The following MTUS2 variants were observed in gnomAD, a reference collection of about 807,000 sequenced individuals.
MTUS2 encodes microtubule-associated tumor suppressor candidate 2.
MTUS2 carries 40 observed loss-of-function variants against 114.1 expected under a neutral mutation model. The ratio of observed to expected loss-of-function variants is 0.35; its 90% CI spans 0.27 to 0.46. The LOEUF (loss-of-function observed/expected upper bound fraction) is 0.46. MTUS2 is among the 20% of genes least tolerant of loss of function. The pLI, the probability that MTUS2 is intolerant of heterozygous loss-of-function variation, is 1.00. For missense variants in MTUS2, 1,679 were observed against 1,705.4 expected, an observed-to-expected ratio of 0.98 and a Z score of 0.27; for synonymous variants, 688 against 672.0, an observed-to-expected ratio of 1.02 and a Z score of -0.37.
At chr13:29,390,003 GTATA>G (rs1240307301) in intron 8 of MTUS2, among the ~76,000 whole-genome samples, 1 of 43,344 alleles carries the variant, frequency 2.3e-5, no homozygotes, top group South Asian at 9.7e-4. Flanking sequence ...GTATGTATGT[GTATA>G]TATACACATA....
intron 4 of MTUS2, among the ~76,000 whole-genome samples, chr13:29,043,736 GT>G (rs1887482232): frequency 6.6e-6 from 1 of 150,696 alleles, no homozygotes; most frequent in Admixed American, 6.6e-5. Flanking sequence ...TTGTTTTAAA[GT>G]CTGTTTCTCT....
At chr13:29,479,031 G>T (rs959886417) in intron 9 of MTUS2, among the ~76,000 whole-genome samples, 2 of 152,160 alleles carry the variant, frequency 1.3e-5, no homozygotes, top group Non-Finnish European at 2.9e-5. Context: ...TATAGCGTGG[G>T]ACTTCTGATT....
chr13:28,895,584 T>C (rs1156501178), intron 2 of MTUS2, among the ~76,000 whole-genome samples: 3 of 152,158 alleles, frequency 2.0e-5, no homozygotes, highest in Non-Finnish European at 4.4e-5. Context: ...TAGTATATAA[T>C]CTTTGGAAAA....
chr13:29,267,941 G>A (rs1345993441), intron 5 of MTUS2, among the ~76,000 whole-genome samples: 1 of 152,182 alleles, frequency 6.6e-6, no homozygotes, highest in East Asian at 1.9e-4. Context: ...AAAGACTGTT[G>A]TATTTGGTAA....
intron 2 of MTUS2, among the ~76,000 whole-genome samples, chr13:28,963,617 C>G (rs1883439618): frequency 6.6e-6 from 1 of 152,096 alleles, no homozygotes; most frequent in Non-Finnish European, 1.5e-5. Context: ...AACCAAAACC[C>G]CTTTCTTGGC....
At chr13:29,449,046 A>G (rs4517630) in intron 9 of MTUS2, among the ~76,000 whole-genome samples, 146,771 of 152,194 alleles carry the variant, frequency 0.96, 71,000 homozygotes, top group East Asian at 1. Context: ...GAGCCACTGT[A>G]CCTGGCCTAA....
chr13:29,464,342 A>G (rs1273389421), intron 9 of MTUS2, among the ~76,000 whole-genome samples: 1 of 152,282 alleles, frequency 6.6e-6, no homozygotes, highest in African/African-American at 2.4e-5. Context: ...AGTGTGAACA[A>G]ACAGTTCTAA....
chr13:29,355,312 A>G (rs1869646104), intron 7 of MTUS2, among the ~76,000 whole-genome samples: 1 of 152,244 alleles, frequency 6.6e-6, no homozygotes, highest in South Asian at 2.1e-4. Context: ...CACAGTTGCC[A>G]GCTGCCACTG....
At chr13:28,992,538 C>T (rs1337068466) in intron 2 of MTUS2, among the ~76,000 whole-genome samples, 2 of 152,078 alleles carry the variant, frequency 1.3e-5, no homozygotes, top group African/African-American at 4.8e-5. Context: ...GTGAGCATAT[C>T]CCACACTTGC....
At chr13:29,245,766 C>G (rs4636762) in intron 5 of MTUS2, among the ~76,000 whole-genome samples, 2 of 150,328 alleles carry the variant, frequency 1.3e-5, no homozygotes, top group Non-Finnish European at 3.0e-5. Context: ...GCACGACCTC[C>G]GCTCACTGCA....
chr13:29,289,108 A>G (rs551353265), intron 6 of MTUS2, among the ~76,000 whole-genome samples: 2 of 152,356 alleles, frequency 1.3e-5, no homozygotes, highest in South Asian at 2.1e-4. Flanking sequence ...ATTTTGGTTC[A>G]GGGGCACTGA....
intron 2 of MTUS2, among the ~76,000 whole-genome samples, chr13:29,016,341 C>G (rs1886065838): frequency 6.6e-6 from 1 of 151,326 alleles, no homozygotes; most frequent in Non-Finnish European, 1.5e-5. Flanking sequence ...GGAATTCTCC[C>G]CTGGAAAGGA....
At chr13:29,153,774 TA>T (rs768547880) in intron 5 of MTUS2, among the ~76,000 whole-genome samples, 28 of 152,348 alleles carry the variant, frequency 1.8e-4, no homozygotes, top group Admixed American at 6.5e-4. Flanking sequence ...TTATTCTTCC[TA>T]TTTGGTTTTA....
At chr13:29,010,599 C>G (rs1885796702) in intron 2 of MTUS2, among the ~76,000 whole-genome samples, 1 of 152,020 alleles carries the variant, frequency 6.6e-6, no homozygotes, top group Non-Finnish European at 1.5e-5. Context: ...GGACCACACT[C>G]TCAGCCTGTC....
chr13:29,009,153 C>A (rs1885730154), intron 2 of MTUS2, among the ~76,000 whole-genome samples: 1 of 151,740 alleles, frequency 6.6e-6, no homozygotes, highest in Non-Finnish European at 1.5e-5. Flanking sequence ...TTCTATAGCA[C>A]CCTATACTTG....
At chr13:29,257,059 A>G (rs1381041859) in intron 5 of MTUS2, among the ~76,000 whole-genome samples, 1 of 152,082 alleles carries the variant, frequency 6.6e-6, no homozygotes, top group African/African-American at 2.4e-5. Context: ...TCCCAGGTGC[A>G]TTTCCCTGCC....
At chr13:28,939,646 A>ATTTCC (rs1882114232) in intron 2 of MTUS2, among the ~76,000 whole-genome samples, 2 of 152,168 alleles carry the variant, frequency 1.3e-5, no homozygotes, top group South Asian at 2.1e-4. Context: ...TTTCCAAATA[A>ATTTCC]AATTTTAATT....
At chr13:28,829,986 T>C (rs1275662378) in intron 1 of MTUS2, among the ~76,000 whole-genome samples, 1 of 152,142 alleles carries the variant, frequency 6.6e-6, no homozygotes, top group Non-Finnish European at 1.5e-5. Flanking sequence ...AACTACCTGC[T>C]GGAGTGTTAA....
intron 4 of MTUS2, among the ~76,000 whole-genome samples, chr13:29,081,508 T>G (rs372357918): frequency 5.9e-5 from 9 of 151,982 alleles, no homozygotes; most frequent in African/African-American, 2.2e-4. Flanking sequence ...AGCCCAGCAT[T>G]GTGTGTTCTG....
Sources: gnomAD v4.1 joint callset for allele counts (sites outside exome capture counted in the v4.1 genomes callset) on GRCh38, gnomAD v4.1.1 for gene constraint, MANE v1.5 for transcripts, NCBI Gene and HGNC (gene_info 2026-07-23, HGNC 2026-07-21) for gene names.